RNPC3: variants seen among roughly 807,000 people sequenced by gnomAD.
RNPC3 encodes RNA-binding region-containing protein 3.
RNPC3 carries 48 observed loss-of-function variants against 67.5 expected under a neutral mutation model. The observed-to-expected ratio is 0.71, with a 90% CI of 0.56 to 0.90. RNPC3 has a LOEUF of 0.90. Ranked by LOEUF, RNPC3 falls within the 40% of genes least tolerant of loss-of-function variation. RNPC3 has a pLI of 0.00. For synonymous variants in RNPC3, 239 were observed against 210.3 expected, an observed-to-expected ratio of 1.14 and a Z score of -1.18; for missense variants, 637 against 626.1, an observed-to-expected ratio of 1.02 and a Z score of -0.19.
intron 9 of RNPC3, among the ~76,000 whole-genome samples, chr1:103,544,132 C>G (rs1651188656): frequency 6.6e-6 from 1 of 151,626 alleles, no homozygotes; most frequent in Non-Finnish European, 1.5e-5. Flanking sequence ...AAGGCAAATA[C>G]TGTTAGCAAT....
At chr1:103,538,573 C>G (rs2101046909) in intron 7 of RNPC3, among the ~76,000 whole-genome samples, 1 of 152,250 alleles carries the variant, frequency 6.6e-6, no homozygotes, top group Middle Eastern at 3.4e-3. Context: ...ATGTATTGAT[C>G]AGATGACAAG....
At chr1:103,533,594 T>G (rs559061592) in intron 2 of RNPC3, 145 bp from the exon 3 acceptor site, 1 of 616,530 alleles carries the variant, frequency 1.6e-6, no homozygotes, top group African/African-American at 1.9e-5. Flanking sequence ...AAAGGCTTGA[T>G]AGCCTGAGAT....
intron 14 of RNPC3, chr1:103,553,486 G>A (rs1408401391): frequency 1.3e-5 from 2 of 152,018 alleles, no homozygotes; most frequent in East Asian, 3.9e-4. Context: ...TCTTTTATGT[G>A]TTTTTAGATT....
intron 7 of RNPC3, among the ~76,000 whole-genome samples, chr1:103,538,371 C>G (rs1233959546): frequency 6.6e-6 from 1 of 151,976 alleles, no homozygotes; most frequent in African/African-American, 2.4e-5. Flanking sequence ...TTAAAATGGC[C>G]CTTGAGCATG....
At chr1:103,551,951 A>G (rs930702730) in intron 14 of RNPC3, 159 bp downstream of exon 14, 3 of 468,218 alleles carry the variant, frequency 6.4e-6, no homozygotes, top group African/African-American at 4.1e-5. Flanking sequence ...CAAAACTATA[A>G]CTACAGATTA....
At chr1:103,529,919 C>T (rs1411465464) in intron 2 of RNPC3, among the ~76,000 whole-genome samples, 6 of 152,138 alleles carry the variant, frequency 3.9e-5, no homozygotes, top group Non-Finnish European at 7.4e-5. Flanking sequence ...CTGAGCTCCA[C>T]CTCCAGTCAG....
chr1:103,535,516 A>G, intron 5 of RNPC3, 75 bp downstream of exon 5: 1 of 882,500 alleles, frequency 1.1e-6, no homozygotes, highest in Non-Finnish European at 1.7e-6. Context: ...TGATTCTCAT[A>G]AAAGTAATCA....
rs1425050633 is a variant in RNPC3 at position 103,546,273 on chromosome 1, A to T, written c.1233A>T (p.Arg411Ser). The T allele has an allele frequency of 2.8e-6, 4 of 1,446,568 alleles. No homozygotes were observed. The highest frequency in any genetic ancestry group is 3.6e-6 in the Non-Finnish European group (4 of 1,103,634). The allele number at this position is 1,446,568 out of a possible 1,614,324, so 89.6% of individuals were successfully genotyped here. The part of the protein sequence containing the change: ...REEMETLSVF[R>S]SYEPGEPNCR... ...AAATGGAAACACTTTCAGTTTTCAG[A>T]AGTTATGAACCGGGTGAACCAAACT... The change falls in exon 11 of 15, where the codon AGA becomes AGT. Residue 411 changes from arginine to serine, a missense_variant. By Grantham distance (110) the Arg-to-Ser change is moderately radical. Around this residue, in one of 3 missense-constraint regions of RNPC3, gnomAD observed 536 missense variants for 500.3 expected, o/e 1.07. Coordinates refer to ENST00000423855, the MANE Select transcript of RNPC3 (RefSeq NM_017619.4).
intron 12 of RNPC3, 36 bp from the exon 13 acceptor site, chr1:103,550,905 G>A (rs1330172808): frequency 6.2e-7 from 1 of 1,601,428 alleles, no homozygotes; most frequent in African/African-American, 1.3e-5. Context: ...CATTGAAACT[G>A]ACATTCTTTG....
Position 103,526,159 on chromosome 1 carries a change from T to C in RNPC3, c.89T>C (p.Leu30Pro). The change falls in exon 1 of 15, where the codon CTG (leucine) becomes CCG (proline). Residue 30 changes from leucine to proline, a missense_variant. Transcript: ENST00000423855. ...LSPPRGDRTLLVRHLPAELTA... is the reference protein window; with the variant it reads ...LSPPRGDRTLPVRHLPAELTA... ...CCGCCTCGGGGCGACCGAACCCTTC[T>C]GGTCAGGCACCTGCCGGCTGAGCTT... 6.4e-7 allele frequency: 1 copy of C among 1,551,540 alleles called. No homozygotes were observed. Among genetic ancestry groups the C allele is most frequent in the Non-Finnish European group, 8.7e-7 (1 of 1,146,918 alleles).
intron 12 of RNPC3, 76 bp downstream of exon 12, chr1:103,547,111 A>C: frequency 1.3e-6 from 1 of 789,352 alleles, no homozygotes; most frequent in Non-Finnish European, 1.9e-6. Flanking sequence ...TTTTAATCCC[A>C]TCATTTTCCT....
At chr1:103,535,536 T>C (rs1650963727) in intron 5 of RNPC3, 95 bp downstream of exon 5, 2 of 717,510 alleles carry the variant, frequency 2.8e-6, no homozygotes, top group African/African-American at 3.6e-5. Context: ...AGACTAATTC[T>C]AGACAGCCAG....
chr1:103,526,326 C>A, intron 1 of RNPC3, 64 bp downstream of exon 1: 2 of 1,374,300 alleles, frequency 1.5e-6, no homozygotes. Context: ...GGAGGGGGAG[C>A]GCTGACAAGA....
intron 7 of RNPC3, among the ~76,000 whole-genome samples, chr1:103,538,811 T>A (rs567685328): frequency 5.3e-5 from 8 of 152,318 alleles, no homozygotes; most frequent in African/African-American, 1.4e-4. Flanking sequence ...GCAGATGAAT[T>A]ATTCTTTTTA....
chr1:103,527,195 G>T (rs1281170574), intron 1 of RNPC3, among the ~76,000 whole-genome samples: 1 of 152,194 alleles, frequency 6.6e-6, no homozygotes, highest in East Asian at 1.9e-4. Flanking sequence ...TTTTCTGATG[G>T]TTTTTAAAAT....
chr1:103,532,077 G>A (rs966082781), intron 2 of RNPC3, among the ~76,000 whole-genome samples: 1 of 152,076 alleles, frequency 6.6e-6, no homozygotes, highest in Admixed American at 6.6e-5. Context: ...ACCATTTGTT[G>A]AATAAGGTGT....
At chr1:103,548,060 A>G (rs1651288983) in intron 12 of RNPC3, among the ~76,000 whole-genome samples, 1 of 152,102 alleles carries the variant, frequency 6.6e-6, no homozygotes, top group Non-Finnish European at 1.5e-5. Flanking sequence ...ACAGAGCACC[A>G]AGTCCCTAGG....
At chr1:103,544,038 A>G (rs1001909190) in intron 9 of RNPC3, among the ~76,000 whole-genome samples, 18 of 151,776 alleles carry the variant, frequency 1.2e-4, no homozygotes, top group African/African-American at 4.1e-4. Context: ...AAATAATACA[A>G]GTTGATAGAA....
At position 103,533,474 on chromosome 1, in the gene RNPC3, G is replaced by C. The variant is rs933329323; in HGVS notation, c.241-265G>C. ...TGAGGCCAGGGAAATTTGTTAGTTT[G>C]TTTTCTAGCCATTTTCAGCTGCCTG... On this transcript the variant is annotated intron_variant, in intron 2 of 14. Coordinates refer to ENST00000423855, the MANE Select transcript of RNPC3 (RefSeq NM_017619.4). Among the ~76,000 whole-genome samples, 4 of 152,070 alleles carry C rather than the reference G, an allele frequency of 2.6e-5. No individual in the cohort carries two copies. In the East Asian group the frequency reaches 5.8e-4, roughly 22 times the overall value.
Sources: allele counts gnomAD v4.1 joint callset (sites outside exome capture counted in the v4.1 genomes callset), GRCh38; gene constraint gnomAD v4.1.1; regional missense constraint gnomAD v4.1.1; transcripts MANE v1.5; gene names NCBI Gene and HGNC (gene_info 2026-07-23, HGNC 2026-07-21).